GLT8D2: variants seen among roughly 807,000 people sequenced by gnomAD.
GLT8D2 encodes the protein glycosyltransferase 8 domain-containing protein 2.
GLT8D2 carries 45 observed loss-of-function variants against 44.5 expected under a neutral mutation model. The observed-to-expected ratio is 1.01, with a 90% CI of 0.80 to 1.30. The LOEUF (loss-of-function observed/expected upper bound fraction) is 1.30, where lower values mean the gene tolerates loss of function less well. Ranked by LOEUF, GLT8D2 falls within the 50% of genes most tolerant of loss-of-function variation. The probability of loss-of-function intolerance (pLI) is 0.00; values close to 1 mark genes in which losing one functional copy is unlikely to be tolerated. For synonymous variants in GLT8D2, 156 were observed against 157.2 expected (o/e 0.99, Z 0.06); for missense variants, 400 against 430.4 (o/e 0.93, Z 0.62).
intron 4 of GLT8D2, among the ~76,000 whole-genome samples, chr12:104,013,272 A>G (rs1306976163): frequency 6.6e-6 from 1 of 152,190 alleles, no homozygotes; most frequent in Non-Finnish European, 1.5e-5. Flanking sequence ...TTCCTTTTCT[A>G]GAAATTTCAT....
chr12:104,011,937 T>A (rs1202071549), intron 4 of GLT8D2, among the ~76,000 whole-genome samples: 1 of 151,794 alleles, frequency 6.6e-6, no homozygotes, highest in Non-Finnish European at 1.5e-5. Flanking sequence ...TTTGGGACAC[T>A]AAGGTGGGCA....
chr12:104,059,695 G>A (rs1056606222), intron 1 of GLT8D2, among the ~76,000 whole-genome samples: 1 of 152,128 alleles, frequency 6.6e-6, no homozygotes, highest in African/African-American at 2.4e-5. Context: ...ACAGTAGTCT[G>A]GGAAAGTTCT....
chr12:103,991,920 G>C (rs934750238), intron 10 of GLT8D2, among the ~76,000 whole-genome samples: 1 of 151,550 alleles, frequency 6.6e-6, no homozygotes, highest in Admixed American at 6.6e-5. Flanking sequence ...ACAGAACCTA[G>C]TCCAGTTCTT....
At chr12:104,058,069 G>T (rs1882335814) in intron 1 of GLT8D2, among the ~76,000 whole-genome samples, 1 of 152,192 alleles carries the variant, frequency 6.6e-6, no homozygotes, top group East Asian at 1.9e-4. Context: ...AAGTTACACA[G>T]CAGAGTTTCC....
At chr12:104,045,870 A>ATCACTAG (rs1428251648) in intron 1 of GLT8D2, among the ~76,000 whole-genome samples, 1 of 148,460 alleles carries the variant, frequency 6.7e-6, no homozygotes, top group East Asian at 1.9e-4. Context: ...AGATTCAGTT[A>ATCACTAG]AAAAAGAAAA....
At chr12:104,048,130 G>T (rs7315363) in intron 1 of GLT8D2, among the ~76,000 whole-genome samples, 5,610 of 152,222 alleles carry the variant, frequency 0.037, 185 homozygotes, top group South Asian at 0.083. Flanking sequence ...TCCTTAACTT[G>T]AGAAGGAAAA....
chr12:104,030,569 T>C (rs1407019658), intron 1 of GLT8D2, among the ~76,000 whole-genome samples: 1 of 152,074 alleles, frequency 6.6e-6, no homozygotes, highest in African/African-American at 2.4e-5. Flanking sequence ...GTTTCTGCAC[T>C]GCAAAGGAGC....
At chr12:104,032,879 A>ATT (rs35467561) in intron 1 of GLT8D2, among the ~76,000 whole-genome samples, 17,657 of 142,974 alleles carry the variant, frequency 0.12, 1,243 homozygotes, top group East Asian at 0.28. Context: ...TTGCAGCACT[A>ATT]TTTTTTTTTT....
At chr12:104,044,473 T>C (rs1593570771) in intron 1 of GLT8D2, among the ~76,000 whole-genome samples, 1 of 152,248 alleles carries the variant, frequency 6.6e-6, no homozygotes, top group African/African-American at 2.4e-5. Context: ...GGGATGAATG[T>C]GCAACTGTCT....
chr12:104,039,827 C>T (rs896465394), intron 1 of GLT8D2, among the ~76,000 whole-genome samples: 4 of 152,206 alleles, frequency 2.6e-5, no homozygotes, highest in African/African-American at 7.2e-5. Flanking sequence ...AATCATGCTG[C>T]TTTAAAGACA....
intron 1 of GLT8D2, among the ~76,000 whole-genome samples, chr12:104,058,156 G>A (rs1014669697): frequency 6.6e-6 from 1 of 152,212 alleles, no homozygotes; most frequent in Non-Finnish European, 1.5e-5. Context: ...AGGGACTGCT[G>A]ATGCTTCTAG....
rs556346734 is a variant in GLT8D2, at chr12:104,027,556, T to C, written c.-163-6065A>G. 3.3e-5 allele frequency among the ~76,000 whole-genome samples: 5 copies of C among 152,340 alleles called. No homozygotes were observed. The South Asian group carries it at 6.2e-4, about 19-fold the overall frequency. On this transcript the variant is annotated intron_variant, in intron 1 of 10. Coordinates refer to ENST00000360814, the MANE Select transcript of GLT8D2 (RefSeq NM_001384711.1). ...ACAAACAAAAGTCTTTACAAATAAA[T>C]TTGCTGTGGCCAGAATGGTGTGTGA...
chr12:104,021,942 GAAGAA>G (rs1877817845), intron 1 of GLT8D2, among the ~76,000 whole-genome samples: 3 of 26,076 alleles, frequency 1.2e-4, no homozygotes, highest in South Asian at 1.8e-3. Context: ...AGAAGAAGAA[GAAGAA>G]GAAGAAGAGG....
At chr12:104,016,826 AAAAGAAAG>A (rs200147212) in intron 3 of GLT8D2, among the ~76,000 whole-genome samples, 953 of 72,556 alleles carry the variant, frequency 0.013, 31 homozygotes, top group Middle Eastern at 0.027. Flanking sequence ...AAAGAGAAAG[AAAAGAAAG>A]AAAGAAAGAA....
intron 10 of GLT8D2, among the ~76,000 whole-genome samples, chr12:103,990,379 A>G (rs981922218): frequency 4.6e-5 from 7 of 152,078 alleles, no homozygotes; most frequent in African/African-American, 1.4e-4. Flanking sequence ...ACAGCTATCT[A>G]TCTCCACCTG....
chr12:104,000,172 C>T (rs1318949930), intron 5 of GLT8D2, among the ~76,000 whole-genome samples: 2 of 151,876 alleles, frequency 1.3e-5, no homozygotes, highest in Non-Finnish European at 2.9e-5. Flanking sequence ...TTGTTGTTGA[C>T]TAAAAATCAA....
At chr12:103,997,958 T>TACAC (rs1873690198) in intron 6 of GLT8D2, among the ~76,000 whole-genome samples, 6 of 131,300 alleles carry the variant, frequency 4.6e-5, no homozygotes, top group Admixed American at 3.9e-4. Flanking sequence ...CACACACACG[T>TACAC]GTGTCATTCC....
At chr12:104,036,050 T>C (rs1879894809) in intron 1 of GLT8D2, among the ~76,000 whole-genome samples, 2 of 152,182 alleles carry the variant, frequency 1.3e-5, no homozygotes, top group African/African-American at 2.4e-5. Context: ...CAACCAAGAA[T>C]TTCATATCCA....
intron 3 of GLT8D2, among the ~76,000 whole-genome samples, chr12:104,017,234 T>G (rs1382975190): frequency 6.6e-6 from 1 of 152,158 alleles, no homozygotes; most frequent in Admixed American, 6.5e-5. Flanking sequence ...TTTTTTTTAA[T>G]GATAGGAAAT....
Sources: allele counts gnomAD v4.1 joint callset (sites outside exome capture counted in the v4.1 genomes callset), GRCh38; gene constraint gnomAD v4.1.1; transcripts MANE v1.5; gene names NCBI Gene and HGNC (gene_info 2026-07-23, HGNC 2026-07-21).